LAMB4: variants seen among roughly 807,000 people sequenced by gnomAD.
The protein encoded by LAMB4 is laminin subunit beta-4.
LAMB4 carries 196 observed loss-of-function variants against 199.2 expected under a neutral mutation model. The ratio of observed to expected loss-of-function variants is 0.98; its 90% confidence interval spans 0.88 to 1.11. The LOEUF (loss-of-function observed/expected upper bound fraction) is 1.11, where lower values mean the gene tolerates loss of function less well. Ranked by LOEUF, LAMB4 falls within the 50% of genes least tolerant of loss-of-function variation. The pLI is 0.00. For missense variants in LAMB4, 2,080 were observed against 2,171.2 expected (o/e 0.96, Z 0.83); for synonymous variants, 744 against 770.6 (o/e 0.97, Z 0.57).
rs768319315 is a variant in LAMB4 at position 108,109,181 on chromosome 7, A to T, written c.392T>A (p.Leu131Gln). The change falls in exon 5 of 34, where the codon CTG becomes CAG. Residue 131 changes from leucine to glutamine, a missense_variant. By Grantham distance (113) the Leu-to-Gln change is moderately radical (BLOSUM62 -2). Coordinates refer to ENST00000388781, the MANE Select transcript of LAMB4 (RefSeq NM_007356.3). The stretch of plus-strand genomic sequence containing the variant: ...CCTATTAGTCTGTACCTTAAAGGTC[A>T]GGATAAGGTGGCTGAACCGAAATAA... Reference protein sequence around the residue: ...EALFRFSHLILTFKTFRPAAM... With the variant: ...EALFRFSHLIQTFKTFRPAAM... 1.2e-6 allele frequency: 2 copies of T among 1,609,736 alleles called. No homozygotes were observed. Among genetic ancestry groups the T allele is most frequent in the Non-Finnish European group, 8.5e-7 (1 of 1,176,176 alleles).
At chr7:108,035,604 CAAAA>C (rs34425857) in intron 30 of LAMB4, among the ~76,000 whole-genome samples, 2 of 79,924 alleles carry the variant, frequency 2.5e-5, no homozygotes, top group Non-Finnish European at 4.8e-5. Context: ...TAGAGAGTAC[CAAAA>C]AAAAAAAAAA....
intron 14 of LAMB4, among the ~76,000 whole-genome samples, chr7:108,085,805 G>T (rs991773245): frequency 8.6e-5 from 13 of 152,042 alleles, no homozygotes; most frequent in African/African-American, 3.1e-4. Flanking sequence ...AATAGAGACG[G>T]GGTTTCACCT....
At chr7:108,048,569 C>T (rs2035724440) in intron 27 of LAMB4, among the ~76,000 whole-genome samples, 1 of 152,196 alleles carries the variant, frequency 6.6e-6, no homozygotes, top group South Asian at 2.1e-4. Context: ...TTAAACATTT[C>T]CTAGGTAACT....
At position 108,029,157 on chromosome 7, in the gene LAMB4, G is replaced by T; in HGVS notation, c.5032C>A (p.Arg1678Ser). The change falls in exon 33 of 34, where the codon CGT becomes AGT. Residue 1678 changes from arginine (R) to serine (S), a missense_variant. Coordinates refer to ENST00000388781, the MANE Select transcript of LAMB4 (RefSeq NM_007356.3). Reference sequence around the variant, plus strand: ...GTTAGTCCTGTAGTGCTTGTCTTACGTTGGAGAATAGCATATTGTTTTTTC... The same window carrying T: ...GTTAGTCCTGTAGTGCTTGTCTTACTTTGGAGAATAGCATATTGTTTTTTC... ...ELKKQYAILQ[R>S]KTSTTGLTKE... is the part of the protein sequence containing the mutation. The T allele has an allele frequency of 6.2e-7, 1 of 1,613,090 alleles. No homozygotes were observed. The highest frequency in any genetic ancestry group is 8.5e-7 in the Non-Finnish European group (1 of 1,179,712).
At chr7:108,080,714 C>T (rs567869052) in intron 14 of LAMB4, among the ~76,000 whole-genome samples, 3 of 151,922 alleles carry the variant, frequency 2.0e-5, no homozygotes, top group Admixed American at 6.6e-5. Context: ...TTTAGAATCT[C>T]GCATCTGAGG....
rs899723215 is a variant in LAMB4, at chr7:108,109,006, GT to G, written c.402+164del. On this transcript the variant is annotated intron_variant, in intron 5 of 33. Coordinates refer to ENST00000388781, the MANE Select transcript of LAMB4 (RefSeq NM_007356.3). ...TCATGGTCATTGATTTTTAAAAAGT[GT>G]TTTTTTTTTCTTCATGTAAGAGTCA... is the stretch of plus-strand genomic sequence containing the variant. Among the ~76,000 whole-genome samples, 29 of 148,112 alleles carry G rather than the reference GT, an allele frequency of 2.0e-4. No homozygotes were observed. In the East Asian group the frequency reaches 2.0e-3, roughly 10 times the overall value.
chr7:108,124,818 G>C (rs974087384), intron 1 of LAMB4, among the ~76,000 whole-genome samples: 1 of 152,050 alleles, frequency 6.6e-6, no homozygotes, highest in Admixed American at 6.6e-5. Flanking sequence ...CCCAGTCCCT[G>C]CACATGCACA....
intron 14 of LAMB4, among the ~76,000 whole-genome samples, chr7:108,089,305 G>A (rs952629457): frequency 1.2e-4 from 19 of 152,082 alleles, no homozygotes; most frequent in African/African-American, 3.6e-4. Context: ...AAAAAATAAA[G>A]TTTAGCCTCT....
At position 108,066,352 on chromosome 7, in the gene LAMB4, G is replaced by T. The variant is rs1228381896; in HGVS notation, c.2678+17C>A. ...GTGTTAAAGACCTAAAAATTAAAGT[G>T]CATATGAATTCCATACCTTTCACAG... On this transcript the variant is annotated intron_variant, in intron 20 of 33. Coordinates refer to ENST00000388781, the MANE Select transcript of LAMB4 (RefSeq NM_007356.3). 1 of 1,573,910 alleles carries T rather than the reference G, an allele frequency of 6.4e-7. No homozygotes were observed.
At chr7:108,041,237 C>CA (rs1221087147) in intron 29 of LAMB4, among the ~76,000 whole-genome samples, 1 of 152,052 alleles carries the variant, frequency 6.6e-6, no homozygotes, top group African/African-American at 2.4e-5. Context: ...ATTAAAAAGT[C>CA]AAAAAATAAC....
intron 17 of LAMB4, 40 bp downstream of exon 17, chr7:108,076,904 A>G (rs1584693701): frequency 1.9e-6 from 3 of 1,604,234 alleles, no homozygotes; most frequent in Non-Finnish European, 2.6e-6. Context: ...AACGGTGCTT[A>G]GTAGCGAAGA....
At chr7:108,048,946 C>T (rs1220087840) in intron 27 of LAMB4, among the ~76,000 whole-genome samples, 1 of 152,194 alleles carries the variant, frequency 6.6e-6, no homozygotes, top group Non-Finnish European at 1.5e-5. Context: ...CCACCTTGGC[C>T]TCCCAAAGTG....
rs376694939 is a variant in LAMB4 at position 108,109,177 on chromosome 7, G to A, written c.396C>T (p.Thr132=). The A allele has an allele frequency of 3.7e-6, 6 of 1,607,814 alleles. No individual in the cohort carries two copies. Among genetic ancestry groups the A allele is most frequent in the Non-Finnish European group, 5.1e-6 (6 of 1,174,466 alleles). The stretch of plus-strand genomic sequence containing the variant: ...CAGGCCTATTAGTCTGTACCTTAAA[G>A]GTCAGGATAAGGTGGCTGAACCGAA... ...ALFRFSHLIL[T]FKTFRPAAML... The change falls in exon 5 of 34, where the codon ACC becomes ACT. Residue 132 remains threonine, a synonymous_variant. Transcript: ENST00000388781.
At chr7:108,035,295 C>T (rs941525422) in intron 30 of LAMB4, among the ~76,000 whole-genome samples, 1 of 152,054 alleles carries the variant, frequency 6.6e-6, no homozygotes, top group East Asian at 1.9e-4. Context: ...AATCTCAGGA[C>T]TTTGGGAGGC....
At chr7:108,116,899 T>C (rs2038427280) in intron 2 of LAMB4, among the ~76,000 whole-genome samples, 1 of 152,184 alleles carries the variant, frequency 6.6e-6, no homozygotes, top group Non-Finnish European at 1.5e-5. Flanking sequence ...TAGCCAGGCA[T>C]GGTGGTTCAT....
At position 108,064,785 on chromosome 7, in the gene LAMB4, T is replaced by C. The variant is rs73424745; in HGVS notation, c.2837-800A>G. On this transcript the variant is annotated intron_variant, in intron 21 of 33. Coordinates refer to ENST00000388781, the MANE Select transcript of LAMB4 (RefSeq NM_007356.3). ...GCATGTAATTTATCGTGATGGTAAT[T>C]ATCATTAGTATTGCCATAAGTTCTA... 6.6e-3 allele frequency among the ~76,000 whole-genome samples: 1,001 copies of C among 152,300 alleles called. 8 individuals are homozygous for C. The highest frequency in any genetic ancestry group is 0.019 in the African/African-American group (801 of 41,554).
chr7:108,026,817 G>A (rs2034854141), intron 33 of LAMB4: 1 of 494,276 alleles, frequency 2.0e-6, no homozygotes, highest in Non-Finnish European at 4.0e-6. Flanking sequence ...GAGAGGAACA[G>A]GCACAGCCTT....
chr7:108,072,540 G>T (rs929152968), intron 17 of LAMB4, among the ~76,000 whole-genome samples: 1 of 152,072 alleles, frequency 6.6e-6, no homozygotes, highest in Non-Finnish European at 1.5e-5. Flanking sequence ...AAAAAAGGGG[G>T]CATGGGATTG....
At chr7:108,074,312 A>G (rs2036624846) in intron 17 of LAMB4, among the ~76,000 whole-genome samples, 1 of 152,194 alleles carries the variant, frequency 6.6e-6, no homozygotes, top group South Asian at 2.1e-4. Flanking sequence ...CAGGTTTTCC[A>G]TAGTTATATG....
Sources: allele counts gnomAD v4.1 joint callset (sites outside exome capture counted in the v4.1 genomes callset), GRCh38; gene constraint gnomAD v4.1.1; transcripts MANE v1.5; gene names NCBI Gene and HGNC (gene_info 2026-07-23, HGNC 2026-07-21).